GPD2: variants seen among roughly 807,000 people sequenced by gnomAD.
GPD2 encodes glycerol-3-phosphate dehydrogenase 2.
In GPD2, 54 loss-of-function variants were observed where a neutral mutation model predicts 82.4. The observed-to-expected ratio is 0.66, with a 90% confidence interval of 0.53 to 0.82. GPD2 has a LOEUF of 0.82. Among genes scored for constraint, GPD2 ranks in the 40% least tolerant of loss-of-function variants. The probability of loss-of-function intolerance (pLI) is 0.00; values close to 1 mark genes in which losing one functional copy is unlikely to be tolerated. For missense variants in GPD2, 748 were observed against 896.2 expected, an observed-to-expected ratio of 0.83 and a Z score of 2.11; for synonymous variants, 288 against 306.1, an observed-to-expected ratio of 0.94 and a Z score of 0.62.
At chr2:156,453,132 A>G (rs773549114) in intron 1 of GPD2, among the ~76,000 whole-genome samples, 7 of 152,162 alleles carry the variant, frequency 4.6e-5, no homozygotes, top group African/African-American at 2.4e-5. Context: ...TTGTGGTTGC[A>G]TGTTTTTTTT....
chr2:156,549,050 TA>T (rs953387585), intron 6 of GPD2, among the ~76,000 whole-genome samples: 14 of 152,114 alleles, frequency 9.2e-5, no homozygotes, highest in Non-Finnish European at 1.6e-4. Flanking sequence ...TATGTGTGAT[TA>T]AAAAAAAGTT....
At chr2:156,448,957 G>T (rs1235166606) in intron 1 of GPD2, among the ~76,000 whole-genome samples, 4 of 152,174 alleles carry the variant, frequency 2.6e-5, no homozygotes, top group African/African-American at 7.2e-5. Flanking sequence ...ACTCCTTCAG[G>T]TTCTGGTGGC....
chr2:156,460,028 C>T (rs1682936381), intron 1 of GPD2, among the ~76,000 whole-genome samples: 1 of 152,180 alleles, frequency 6.6e-6, no homozygotes, highest in Non-Finnish European at 1.5e-5. Flanking sequence ...TAGTCACTTG[C>T]CTCCTGACTG....
intron 1 of GPD2, among the ~76,000 whole-genome samples, chr2:156,443,015 A>G (rs1682231956): frequency 6.6e-6 from 1 of 152,078 alleles, no homozygotes; most frequent in Non-Finnish European, 1.5e-5. Flanking sequence ...TATCTTCTCT[A>G]TGATCCAGTC....
intron 3 of GPD2, among the ~76,000 whole-genome samples, chr2:156,498,217 A>G (rs1363676258): frequency 6.6e-6 from 1 of 152,190 alleles, no homozygotes; most frequent in East Asian, 1.9e-4. Context: ...GGCGATATGC[A>G]AGGTGCTACA....
At chr2:156,467,164 C>T (rs691227) in intron 1 of GPD2, among the ~76,000 whole-genome samples, 3 of 150,416 alleles carry the variant, frequency 2.0e-5, no homozygotes, top group Non-Finnish European at 3.0e-5. Flanking sequence ...TTTACTTTCT[C>T]TTGGGCTGGG....
At chr2:156,402,161 C>T in the GPD2 span, among the ~76,000 whole-genome samples, 1 of 152,220 alleles carries the variant, frequency 6.6e-6, no homozygotes, top group Non-Finnish European at 1.5e-5. Flanking sequence ...TGTTGGAGTG[C>T]TTAGCACTGC....
intron 1 of GPD2, among the ~76,000 whole-genome samples, chr2:156,458,139 C>T (rs1682849985): frequency 6.6e-6 from 1 of 152,112 alleles, no homozygotes; most frequent in South Asian, 2.1e-4. Context: ...TAGCTGTGTT[C>T]CTGCAGGCAA....
chr2:156,451,296 A>ACC lies in GPD2; in HGVS notation c.-9+14789_-9+14790dup, dbSNP rs536982883. Among the ~76,000 whole-genome samples the ACC allele has an allele frequency of 5.0e-3, 656 of 131,846 alleles. 17 individuals are homozygous for ACC. The highest frequency in any genetic ancestry group is 8.5e-3 in the Middle Eastern group (2 of 236). The allele number at this position is 131,846 out of a possible 152,430, so 86.5% of individuals were successfully genotyped here. On this transcript the variant is annotated intron_variant, in intron 1 of 16. Coordinates refer to ENST00000438166, the MANE Select transcript of GPD2 (RefSeq NM_000408.5). Reference sequence around the variant, plus strand: ...GGGCAGCTGGCAGGGCGGGGGGCTGACCCCCCCACCTCCTTTCCGGACAGG... The same window carrying ACC: ...GGGCAGCTGGCAGGGCGGGGGGCTGACCCCCCCCCACCTCCTTTCCGGACAGG...
chr2:156,535,375 AAG>A (rs1558948229), intron 6 of GPD2, among the ~76,000 whole-genome samples: 2 of 78,788 alleles, frequency 2.5e-5, no homozygotes, highest in Non-Finnish European at 6.0e-5. Context: ...GAGAGCGAGA[AAG>A]AGAAAAAGAC....
At chr2:156,464,110 T>G (rs1287345503) in intron 1 of GPD2, among the ~76,000 whole-genome samples, 1 of 152,234 alleles carries the variant, frequency 6.6e-6, no homozygotes, top group Non-Finnish European at 1.5e-5. Flanking sequence ...TATTTTTGCA[T>G]AGGTGAAGGA....
At chr2:156,428,195 G>C in the GPD2 span, among the ~76,000 whole-genome samples, 3 of 152,124 alleles carry the variant, frequency 2.0e-5, no homozygotes, top group African/African-American at 7.2e-5. Flanking sequence ...TAGCTTCTCA[G>C]TCTTTGCTTT....
chr2:156,505,652 T>G (rs1684761077), intron 3 of GPD2, among the ~76,000 whole-genome samples: 1 of 152,178 alleles, frequency 6.6e-6, no homozygotes, highest in Non-Finnish European at 1.5e-5. Flanking sequence ...TCTTTCTACT[T>G]TGAGGGAAGA....
At position 156,569,367 on chromosome 2, in the gene GPD2, A is replaced by G. The variant is rs759382518; in HGVS notation, c.1305A>G (p.Gly435=). 1.9e-6 allele frequency: 3 copies of G among 1,604,978 alleles called. No individual in the cohort carries two copies. Among genetic ancestry groups the G allele is most frequent in the Non-Finnish European group, 2.6e-6 (3 of 1,171,998 alleles). The change falls in exon 11 of 17, where the codon GGA becomes GGG. Residue 435 remains glycine (G), a synonymous_variant. Coordinates refer to ENST00000438166, the MANE Select transcript of GPD2 (RefSeq NM_000408.5). The part of the protein sequence containing the change: ...SESGLITIAG[G]KWTTYRSMAE... ...TGTCTATCAATTTCTTTATAGGTGGAAAGTGGACAACTTATCGGTCTATGG... is the reference window on the plus strand; with the variant it reads ...TGTCTATCAATTTCTTTATAGGTGGGAAGTGGACAACTTATCGGTCTATGG...
chr2:156,528,539 TA>T (rs1685699679), intron 6 of GPD2, among the ~76,000 whole-genome samples: 1 of 151,072 alleles, frequency 6.6e-6, no homozygotes, highest in Non-Finnish European at 1.5e-5. Context: ...CTGCACCCAC[TA>T]ACTTGTCATC....
At chr2:156,517,741 T>C (rs940694212) in intron 6 of GPD2, among the ~76,000 whole-genome samples, 1 of 152,214 alleles carries the variant, frequency 6.6e-6, no homozygotes, top group Non-Finnish European at 1.5e-5. Flanking sequence ...GTAGCCAGTT[T>C]TCTCAGGAAC....
the GPD2 span, among the ~76,000 whole-genome samples, chr2:156,405,885 A>G: frequency 1.2e-4 from 18 of 152,314 alleles, no homozygotes; most frequent in African/African-American, 3.8e-4. Flanking sequence ...CAGGGGTTGT[A>G]AGTTGCATCA....
At chr2:156,547,659 G>A (rs1686597393) in intron 6 of GPD2, among the ~76,000 whole-genome samples, 1 of 152,170 alleles carries the variant, frequency 6.6e-6, no homozygotes, top group African/African-American at 2.4e-5. Flanking sequence ...CTTACCTGCA[G>A]TCATATTCAG....
upstream of GPD2, among the ~76,000 whole-genome samples, chr2:156,430,794 C>T (rs1170968419): frequency 6.6e-6 from 1 of 152,176 alleles, no homozygotes; most frequent in Non-Finnish European, 1.5e-5. Context: ...AAATAGTTGG[C>T]TCTAGACATG....
Sources: allele counts gnomAD v4.1 joint callset (sites outside exome capture counted in the v4.1 genomes callset), GRCh38; gene constraint gnomAD v4.1.1; transcripts MANE v1.5; gene names NCBI Gene and HGNC (gene_info 2026-07-23, HGNC 2026-07-21).